The following PRMT3 variants were observed in gnomAD, a reference collection of about 807,000 sequenced individuals.
PRMT3 encodes protein arginine N-methyltransferase 3.
A neutral mutation model predicts 71.9 loss-of-function variants in PRMT3; 62 were observed. The ratio of observed to expected loss-of-function variants is 0.86; its 90% CI spans 0.70 to 1.07. The LOEUF (loss-of-function observed/expected upper bound fraction) is 1.07, where lower values mean the gene tolerates loss of function less well. Ranked by LOEUF, PRMT3 falls within the 50% of genes least tolerant of loss-of-function variation. The pLI, the probability that PRMT3 is intolerant of heterozygous loss-of-function variation, is 0.00. For missense variants in PRMT3, 663 were observed against 643.0 expected (o/e 1.03, Z -0.34); for synonymous variants, 213 against 220.4 (o/e 0.97, Z 0.30).
At chr11:20,435,332 G>T (rs1371200486) in intron 10 of PRMT3, among the ~76,000 whole-genome samples, 1 of 152,114 alleles carries the variant, frequency 6.6e-6, no homozygotes, top group Non-Finnish European at 1.5e-5. Context: ...ATCCTGAGGA[G>T]CTGGGACTAC....
intron 13 of PRMT3, among the ~76,000 whole-genome samples, chr11:20,465,663 GTTTAAATATCCAGATTTAAGTTTAA>G (rs1403294121): frequency 5.1e-4 from 77 of 151,988 alleles, no homozygotes; most frequent in Middle Eastern, 8.2e-3. Flanking sequence ...ATTTTTTAAA[GTTTAAATATCCAGATTTAAGTTTAA>G]TTTAAATATC....
Position 20,494,306 on chromosome 11 carries a change from TATTC to T in PRMT3, c.1486+60_1486+63del, listed in dbSNP as rs777895319. 3 of 1,395,390 alleles carry T rather than the reference TATTC, an allele frequency of 2.1e-6. No individual in the cohort carries two copies. The Admixed American group carries it at 5.7e-5, about 27-fold the overall frequency. 86.4% of individuals were successfully genotyped at this position (1,395,390 alleles called of 1,614,324 possible). A position where few individuals can be genotyped will look rare whatever the true frequency, so the allele number is the denominator to read the frequency against. On this transcript the variant is annotated intron_variant, in intron 15 of 15. Transcript: ENST00000331079. The stretch of plus-strand genomic sequence containing the variant: ...ATCTTATTCATTCTGAAGTAAATGA[TATTC>T]ATTCATTTTACAGCCACTTTTTATG...
At chr11:20,426,924 A>G in intron 10 of PRMT3, 59 bp downstream of exon 10, 1 of 1,459,398 alleles carries the variant, frequency 6.9e-7, no homozygotes, top group Non-Finnish European at 9.0e-7. Flanking sequence ...TTTTTAAAGT[A>G]ATAGTTTTCA....
At chr11:20,494,127 C>T in intron 14 of PRMT3, 40 bp from the exon 15 acceptor site, 2 of 1,537,058 alleles carry the variant, frequency 1.3e-6, no homozygotes, top group African/African-American at 1.4e-5. Context: ...TATTAAAAAT[C>T]TTGTACTTCA....
chr11:20,405,141 T>G (rs1849042634), intron 8 of PRMT3, among the ~76,000 whole-genome samples: 1 of 152,144 alleles, frequency 6.6e-6, no homozygotes, highest in Non-Finnish European at 1.5e-5. Flanking sequence ...TTAATATTAT[T>G]TCAATTCACA....
intron 10 of PRMT3, among the ~76,000 whole-genome samples, chr11:20,445,869 G>A (rs961543806): frequency 2.0e-5 from 3 of 152,098 alleles, no homozygotes; most frequent in Non-Finnish European, 4.4e-5. Flanking sequence ...TCTTCACTCA[G>A]TCATGTTCAT....
intron 9 of PRMT3, among the ~76,000 whole-genome samples, chr11:20,423,140 G>A (rs1416775712): frequency 6.6e-6 from 1 of 152,138 alleles, no homozygotes; most frequent in South Asian, 2.1e-4. Flanking sequence ...CTGATCTTAT[G>A]TATTCTTTCA....
rs114694373 is a variant in PRMT3 at position 20,503,518 on chromosome 11, G to A, written c.1487-4786G>A. On this transcript the variant is annotated intron_variant, in intron 15 of 15. Coordinates refer to ENST00000331079, the MANE Select transcript of PRMT3 (RefSeq NM_005788.4). ...TTCCCTGTATGGTCAGTCCCCAACC[G>A]TGATTCCCAGACCAAGACAGTCACT... Among the ~76,000 whole-genome samples, 1,079 of 152,170 alleles carry A rather than the reference G, an allele frequency of 7.1e-3. 16 individuals are homozygous for A. The highest frequency in any genetic ancestry group is 0.025 in the African/African-American group (1,024 of 41,526).
At chr11:20,415,943 C>T (rs936418863) in intron 9 of PRMT3, among the ~76,000 whole-genome samples, 2 of 152,156 alleles carry the variant, frequency 1.3e-5, no homozygotes, top group Admixed American at 6.5e-5. Context: ...TCACTCATTT[C>T]TTCCGAGTTG....
intron 7 of PRMT3, among the ~76,000 whole-genome samples, chr11:20,400,954 C>T (rs1453504087): frequency 1.5e-5 from 2 of 133,902 alleles, no homozygotes; most frequent in African/African-American, 5.3e-5. Context: ...TATTTGCTTG[C>T]GTTTTCGTAT....
At position 20,388,116 on chromosome 11, in the gene PRMT3, C is replaced by A. The variant is rs150858047; in HGVS notation, c.126C>A (p.Pro42=). The change falls in exon 2 of 16, where the codon CCC becomes CCA. Residue 42 remains proline, a synonymous_variant. Coordinates refer to ENST00000331079, the MANE Select transcript of PRMT3 (RefSeq NM_005788.4). The part of the protein sequence containing the change: ...AWEDEDDADL[P]HGKQQTPCLF... ...AGGATGAGGACGATGCAGATCTCCCCCACGGCAAGCAGCAGACCCCCTGCC... is the reference window on the plus strand; with the variant it reads ...AGGATGAGGACGATGCAGATCTCCCACACGGCAAGCAGCAGACCCCCTGCC... 1.2e-3 allele frequency: 1,868 copies of A among 1,613,902 alleles called. 2 individuals are homozygous for A. The highest frequency in any genetic ancestry group is 1.3e-3 in the Non-Finnish European group (1,524 of 1,180,002).
intron 9 of PRMT3, among the ~76,000 whole-genome samples, chr11:20,410,668 A>T (rs1421176355): frequency 6.6e-6 from 1 of 152,066 alleles, no homozygotes; most frequent in Admixed American, 6.6e-5. Flanking sequence ...CTTCTAAAGT[A>T]TATTTGTCAC....
chr11:20,507,115 C>T (rs1825941958), intron 15 of PRMT3, among the ~76,000 whole-genome samples: 1 of 152,164 alleles, frequency 6.6e-6, no homozygotes, highest in African/African-American at 2.4e-5. Flanking sequence ...TCCTTAAATA[C>T]CATTACATGT....
At position 20,387,974 on chromosome 11, in the gene PRMT3, G is replaced by T. The variant is rs1239639158; in HGVS notation, c.29-45G>T. 3 of 1,611,360 alleles carry T rather than the reference G, an allele frequency of 1.9e-6. No individual in the cohort carries two copies. The highest frequency in any genetic ancestry group is 1.3e-5 in the African/African-American group (1 of 75,018). Reference sequence around the variant, plus strand: ...CACCTGCTCCTCGAGCCCCCGGGCCGCACCGGTGTCCGAGGCCGATCTGAT... The same window carrying T: ...CACCTGCTCCTCGAGCCCCCGGGCCTCACCGGTGTCCGAGGCCGATCTGAT... On this transcript the variant is annotated intron_variant, in intron 1 of 15. Coordinates refer to ENST00000331079, the MANE Select transcript of PRMT3 (RefSeq NM_005788.4). The surrounding 1 kb of genome is among the most constrained non-coding windows in gnomAD (Gnocchi z 4.3).
chr11:20,402,142 G>A (rs552991208), intron 7 of PRMT3, among the ~76,000 whole-genome samples: 105 of 151,848 alleles, frequency 6.9e-4, no homozygotes, highest in Middle Eastern at 6.8e-3. Flanking sequence ...TTTTGAGACG[G>A]AATTTGCGCT....
intron 9 of PRMT3, among the ~76,000 whole-genome samples, chr11:20,422,088 G>C (rs986209323): frequency 4.6e-5 from 7 of 152,252 alleles, no homozygotes; most frequent in South Asian, 4.2e-4. Flanking sequence ...CAGATTAGTT[G>C]TCATACCACC....
At chr11:20,390,598 T>C (rs559910512) in intron 3 of PRMT3, among the ~76,000 whole-genome samples, 47 of 152,336 alleles carry the variant, frequency 3.1e-4, no homozygotes, top group African/African-American at 1.1e-3. Flanking sequence ...CAGGTGATGT[T>C]TCTATTGAAA....
intron 13 of PRMT3, among the ~76,000 whole-genome samples, chr11:20,493,517 C>T (rs545201478): frequency 6.6e-5 from 10 of 152,266 alleles, no homozygotes; most frequent in South Asian, 6.2e-4. Context: ...TCTTTCATGC[C>T]GCTGCAGTTG....
intron 9 of PRMT3, among the ~76,000 whole-genome samples, chr11:20,420,685 C>T (rs1411519007): frequency 1.3e-5 from 2 of 152,124 alleles, no homozygotes; most frequent in Non-Finnish European, 2.9e-5. Flanking sequence ...TTGTCTTCCA[C>T]GAAACTGGCC....
Sources: allele counts gnomAD v4.1 joint callset (sites outside exome capture counted in the v4.1 genomes callset), GRCh38; gene constraint gnomAD v4.1.1; non-coding constraint Gnocchi (gnomAD v3.1); transcripts MANE v1.5; gene names NCBI Gene and HGNC (gene_info 2026-07-23, HGNC 2026-07-21).